Variants in CNTN4 observed in about 807,000 individuals in gnomAD.
CNTN4 encodes contactin-4.
A neutral mutation model predicts 122.5 loss-of-function variants in CNTN4; 77 were observed. The ratio of observed to expected loss-of-function variants is 0.63; its 90% CI spans 0.52 to 0.76. The LOEUF is 0.76. Ranked by LOEUF, CNTN4 falls within the 30% of genes least tolerant of loss-of-function variation. The pLI, the probability that CNTN4 is intolerant of heterozygous loss-of-function variation, is 0.00. For synonymous variants in CNTN4, 512 were observed against 447.0 expected (o/e 1.15, Z -1.83); for missense variants, 1,256 against 1,259.1 (o/e 1.00, Z 0.04).
At chr3:2,846,059 G>C (rs1321430478) in intron 7 of CNTN4, among the ~76,000 whole-genome samples, 1 of 152,106 alleles carries the variant, frequency 6.6e-6, no homozygotes, top group African/African-American at 2.4e-5. Flanking sequence ...AATAGATCTG[G>C]GAAATGCTGA....
chr3:2,166,424 T>C (rs887423352), intron 2 of CNTN4, among the ~76,000 whole-genome samples: 1 of 152,034 alleles, frequency 6.6e-6, no homozygotes, highest in East Asian at 1.9e-4. Context: ...ATTATGAGAG[T>C]GTAAACCTGA....
chr3:2,296,810 A>T (rs1328559421), intron 2 of CNTN4, among the ~76,000 whole-genome samples: 1 of 151,294 alleles, frequency 6.6e-6, no homozygotes, highest in Non-Finnish European at 1.5e-5. Context: ...ACAACAAAAA[A>T]CTATAATTCC....
At chr3:2,282,589 T>G (rs956442330) in intron 2 of CNTN4, among the ~76,000 whole-genome samples, 12 of 152,170 alleles carry the variant, frequency 7.9e-5, no homozygotes, top group African/African-American at 2.7e-4. Context: ...AGCAAAACTA[T>G]TCCACTGTCT....
At chr3:2,196,270 A>G (rs955926092) in intron 2 of CNTN4, among the ~76,000 whole-genome samples, 2 of 152,176 alleles carry the variant, frequency 1.3e-5, no homozygotes, top group African/African-American at 4.8e-5. Flanking sequence ...AGAATTTTCA[A>G]AAGTGGTGTG....
intron 13 of CNTN4, among the ~76,000 whole-genome samples, chr3:2,944,016 T>A (rs572945569): frequency 1.3e-5 from 2 of 152,222 alleles, no homozygotes; most frequent in East Asian, 3.9e-4. Context: ...ATAATGGAAT[T>A]GTAGTTCCAT....
intron 4 of CNTN4, among the ~76,000 whole-genome samples, chr3:2,644,670 T>G (rs2083042463): frequency 6.7e-6 from 1 of 150,058 alleles, no homozygotes; most frequent in Admixed American, 6.8e-5. Context: ...CCCTATAGGG[T>G]CTGTCTATAG....
chr3:2,328,299 G>C (rs919935824), intron 2 of CNTN4, among the ~76,000 whole-genome samples: 1 of 150,474 alleles, frequency 6.6e-6, no homozygotes, highest in African/African-American at 2.4e-5. Flanking sequence ...CCAGCTACTC[G>C]GGAGGCTGAG....
chr3:2,321,673 C>T (rs981401502), intron 2 of CNTN4, among the ~76,000 whole-genome samples: 3 of 151,842 alleles, frequency 2.0e-5, no homozygotes, highest in South Asian at 2.1e-4. Context: ...TGATGTTAGA[C>T]GACCTAGTAT....
At chr3:2,952,641 T>C (rs1172267762) in intron 13 of CNTN4, among the ~76,000 whole-genome samples, 6 of 152,244 alleles carry the variant, frequency 3.9e-5, no homozygotes, top group Non-Finnish European at 8.8e-5. Context: ...TTTCATTCTA[T>C]GTTTTTATTT....
intron 6 of CNTN4, among the ~76,000 whole-genome samples, chr3:2,788,805 C>A (rs1309101871): frequency 6.6e-6 from 1 of 152,172 alleles, no homozygotes; most frequent in Non-Finnish European, 1.5e-5. Flanking sequence ...CCTGCTGACA[C>A]CCCAGGGCCT....
intron 13 of CNTN4, among the ~76,000 whole-genome samples, chr3:2,984,146 G>A (rs1157608528): frequency 6.6e-6 from 1 of 152,182 alleles, no homozygotes; most frequent in Non-Finnish European, 1.5e-5. Flanking sequence ...AGGACAAGGG[G>A]CAAAGAGAGC....
chr3:2,867,072 A>G, intron 8 of CNTN4, 123 bp downstream of exon 8: 6 of 868,736 alleles, frequency 6.9e-6, no homozygotes, highest in Non-Finnish European at 1.1e-5. Context: ...AGTTTACTGC[A>G]GCCTATATTT....
At chr3:2,571,590 G>C (rs2079421226) in intron 4 of CNTN4, 32 bp downstream of exon 4, 3 of 1,511,860 alleles carry the variant, frequency 2.0e-6, no homozygotes, top group South Asian at 2.2e-5. Context: ...TTTTGATTTA[G>C]AAATGCCACT....
At chr3:2,489,579 T>G (rs1308706657) in intron 3 of CNTN4, among the ~76,000 whole-genome samples, 1 of 152,212 alleles carries the variant, frequency 6.6e-6, no homozygotes, top group African/African-American at 2.4e-5. Context: ...AGTAACTTCC[T>G]ATGTTCAATT....
intron 8 of CNTN4, among the ~76,000 whole-genome samples, chr3:2,870,289 G>A (rs1469417993): frequency 2.0e-5 from 3 of 152,132 alleles, no homozygotes; most frequent in African/African-American, 7.2e-5. Context: ...CACAAAGTTA[G>A]CAGACTAAAG....
intron 8 of CNTN4, among the ~76,000 whole-genome samples, chr3:2,877,750 C>T (rs2093861392): frequency 6.6e-6 from 1 of 152,178 alleles, no homozygotes; most frequent in Admixed American, 6.5e-5. Flanking sequence ...ACTAGAGCAG[C>T]TGTGCACCAA....
At chr3:2,697,811 C>T (rs979676351) in intron 4 of CNTN4, among the ~76,000 whole-genome samples, 3 of 152,088 alleles carry the variant, frequency 2.0e-5, no homozygotes, top group East Asian at 1.9e-4. Context: ...TCTGGAGATT[C>T]AGGGAAGAGT....
intron 4 of CNTN4, among the ~76,000 whole-genome samples, chr3:2,591,970 T>C (rs1199107846): frequency 1.3e-5 from 2 of 152,118 alleles, no homozygotes; most frequent in Non-Finnish European, 2.9e-5. Context: ...CTCAAACTCC[T>C]GGGCTCAAGG....
chr3:2,280,329 G>A (rs951486607), intron 2 of CNTN4, among the ~76,000 whole-genome samples: 3 of 152,110 alleles, frequency 2.0e-5, no homozygotes, highest in Non-Finnish European at 4.4e-5. Flanking sequence ...TTTGAGAATT[G>A]TTTATTGTGA....
Sources: gnomAD v4.1 joint callset for allele counts (sites outside exome capture counted in the v4.1 genomes callset) on GRCh38, gnomAD v4.1.1 for gene constraint, MANE v1.5 for transcripts, NCBI Gene and HGNC (gene_info 2026-07-23, HGNC 2026-07-21) for gene names.